The following ASH1L variants were observed in gnomAD, a reference collection of about 807,000 sequenced individuals.
The protein encoded by ASH1L is histone-lysine N-methyltransferase ASH1L.
A neutral mutation model predicts 269.0 loss-of-function variants in ASH1L; 23 were observed. The ratio of observed to expected loss-of-function variants is 0.09; its 90% CI spans 0.06 to 0.12. The LOEUF (loss-of-function observed/expected upper bound fraction) is 0.12, where lower values mean the gene tolerates loss of function less well. ASH1L is among the 10% of genes least tolerant of loss of function. The pLI, the probability that ASH1L is intolerant of heterozygous loss-of-function variation, is 1.00. For missense variants in ASH1L, 2,912 were observed against 3,567.8 expected, an observed-to-expected ratio of 0.82 and a Z score of 4.68; for synonymous variants, 1,187 against 1,253.5, an observed-to-expected ratio of 0.95 and a Z score of 1.12.
At chr1:155,446,622 T>G (rs1266172615) in intron 4 of ASH1L, among the ~76,000 whole-genome samples, 1 of 150,366 alleles carries the variant, frequency 6.7e-6, no homozygotes, top group South Asian at 2.1e-4. Context: ...TTTTTTTTTT[T>G]TTTCTTTTTT....
chr1:155,391,641 T>C (rs1339170036), intron 7 of ASH1L, among the ~76,000 whole-genome samples: 2 of 152,172 alleles, frequency 1.3e-5, no homozygotes, highest in Non-Finnish European at 2.9e-5. Context: ...GATTCTCAAT[T>C]GTGTTATTAT....
At chr1:155,443,769 C>T (rs906506733) in intron 4 of ASH1L, among the ~76,000 whole-genome samples, 4 of 152,168 alleles carry the variant, frequency 2.6e-5, no homozygotes, top group Non-Finnish European at 4.4e-5. Context: ...TTTCTTTTTA[C>T]TGTTCCTTTT....
chr1:155,518,348 T>C (rs868395604), intron 2 of ASH1L, among the ~76,000 whole-genome samples: 2 of 152,130 alleles, frequency 1.3e-5, no homozygotes, highest in Admixed American at 6.6e-5. Flanking sequence ...TTCTAGGCTA[T>C]GACACTAATA....
chr1:155,358,173 G>A (rs572167403), intron 13 of ASH1L, among the ~76,000 whole-genome samples: 12 of 152,076 alleles, frequency 7.9e-5, no homozygotes, highest in South Asian at 2.1e-4. Flanking sequence ...TTGCATATAG[G>A]GGAAAACAAC....
At chr1:155,533,974 C>T (rs925108212) in intron 1 of ASH1L, among the ~76,000 whole-genome samples, 2 of 151,800 alleles carry the variant, frequency 1.3e-5, no homozygotes, top group African/African-American at 2.4e-5. Context: ...CTGTAGATAC[C>T]GTCATGAGTA....
chr1:155,349,848 G>C (rs1653720352), intron 17 of ASH1L, among the ~76,000 whole-genome samples: 1 of 148,392 alleles, frequency 6.7e-6, no homozygotes, highest in African/African-American at 2.5e-5. Context: ...CTCCCGAGCA[G>C]CTGGGACTAC....
intron 1 of ASH1L, among the ~76,000 whole-genome samples, chr1:155,546,785 G>C (rs1670856112): frequency 6.6e-6 from 1 of 151,472 alleles, no homozygotes; most frequent in Admixed American, 6.6e-5. Flanking sequence ...GTAAAGAACA[G>C]GTAAACAACG....
intron 3 of ASH1L, among the ~76,000 whole-genome samples, chr1:155,472,777 T>G (rs1429431227): frequency 6.6e-6 from 1 of 152,214 alleles, no homozygotes; most frequent in African/African-American, 2.4e-5. Context: ...TTCCACATTT[T>G]TATGTAAAAT....
intron 3 of ASH1L, among the ~76,000 whole-genome samples, chr1:155,464,210 C>T (rs1664513030): frequency 6.6e-6 from 1 of 152,110 alleles, no homozygotes; most frequent in African/African-American, 2.4e-5. Context: ...TGGAGGCTCC[C>T]CATTCCACAA....
chr1:155,464,730 T>C (rs1213014143), intron 3 of ASH1L, among the ~76,000 whole-genome samples: 1 of 152,096 alleles, frequency 6.6e-6, no homozygotes, highest in East Asian at 1.9e-4. Flanking sequence ...TGAAGGAACC[T>C]TGGAAGTGAT....
chr1:155,527,255 A>G (rs1032964324), intron 1 of ASH1L, among the ~76,000 whole-genome samples: 1 of 152,020 alleles, frequency 6.6e-6, no homozygotes, highest in Admixed American at 6.6e-5. Flanking sequence ...ATCCTCCACC[A>G]TCTTCCCATT....
chr1:155,532,860 C>CAT (rs898813942), intron 1 of ASH1L, among the ~76,000 whole-genome samples: 10 of 147,118 alleles, frequency 6.8e-5, no homozygotes, highest in African/African-American at 2.5e-4. Context: ...TATATGCACA[C>CAT]ATATATATGT....
chr1:155,414,277 A>AT (rs1490330371), intron 6 of ASH1L, among the ~76,000 whole-genome samples: 1 of 151,720 alleles, frequency 6.6e-6, no homozygotes, highest in Admixed American at 6.6e-5. Context: ...CCCCAAACTC[A>AT]TTTTTTATTT....
chr1:155,440,283 G>A (rs528708770), intron 4 of ASH1L, among the ~76,000 whole-genome samples: 2 of 152,058 alleles, frequency 1.3e-5, no homozygotes, highest in South Asian at 2.1e-4. Flanking sequence ...ATTCCAGCCT[G>A]GATGACAGAG....
At chr1:155,366,850 TAAGTA>T (rs1655468710) in intron 12 of ASH1L, among the ~76,000 whole-genome samples, 2 of 152,120 alleles carry the variant, frequency 1.3e-5, no homozygotes, top group African/African-American at 4.8e-5. Flanking sequence ...TTTTGTATTT[TAAGTA>T]GAGACAGGGT....
chr1:155,436,491 CTTTTTT>C (rs60270333), intron 5 of ASH1L, among the ~76,000 whole-genome samples: 13 of 80,562 alleles, frequency 1.6e-4, no homozygotes, highest in South Asian at 9.5e-4. Flanking sequence ...CATGCGTGGA[CTTTTTT>C]TTTTTTTTTT....
chr1:155,469,308 G>C (rs769794712), intron 3 of ASH1L, among the ~76,000 whole-genome samples: 7 of 151,912 alleles, frequency 4.6e-5, no homozygotes, highest in Non-Finnish European at 7.4e-5. Context: ...TCAGCCTCCT[G>C]AATAGCTGGG....
chr1:155,352,187 A>G (rs1653985690), intron 17 of ASH1L, among the ~76,000 whole-genome samples: 2 of 151,524 alleles, frequency 1.3e-5, no homozygotes, highest in African/African-American at 4.8e-5. Context: ...TGCAAGACAG[A>G]CATGGTGGCT....
At chr1:155,407,212 G>C (rs1165606076) in intron 6 of ASH1L, among the ~76,000 whole-genome samples, 1 of 151,958 alleles carries the variant, frequency 6.6e-6, no homozygotes, top group East Asian at 1.9e-4. Context: ...GACAGAGCGA[G>C]ACTCCGTCTC....
Sources: allele counts gnomAD v4.1 joint callset (sites outside exome capture counted in the v4.1 genomes callset), GRCh38; gene constraint gnomAD v4.1.1; transcripts MANE v1.5; gene names NCBI Gene and HGNC (gene_info 2026-07-23, HGNC 2026-07-21).